Variants in CAMK1D observed in about 807,000 individuals in gnomAD.
CAMK1D encodes the protein calcium/calmodulin-dependent protein kinase type 1D.
CAMK1D carries 9 observed loss-of-function variants against 47.7 expected under a neutral mutation model. The ratio of observed to expected loss-of-function variants is 0.19; its 90% CI spans 0.11 to 0.33. The LOEUF (loss-of-function observed/expected upper bound fraction) is 0.33, where lower values mean the gene tolerates loss of function less well. Ranked by LOEUF, CAMK1D falls within the 10% of genes least tolerant of loss-of-function variation. The probability of loss-of-function intolerance (pLI) is 1.00; values close to 1 mark genes in which losing one functional copy is unlikely to be tolerated. For synonymous variants in CAMK1D, 184 were observed against 184.9 expected (o/e 0.99, Z 0.04); for missense variants, 291 against 488.7 (o/e 0.60, Z 3.81).
intron 3 of CAMK1D, among the ~76,000 whole-genome samples, chr10:12,741,191 C>T (rs1227020136): frequency 1.3e-5 from 2 of 152,210 alleles, no homozygotes; most frequent in African/African-American, 2.4e-5. Flanking sequence ...TAAATTCAAA[C>T]GGGGGTACAG....
intron 2 of CAMK1D, among the ~76,000 whole-genome samples, chr10:12,568,221 GCCCCT>G (rs1360994598): frequency 1.3e-5 from 1 of 75,556 alleles, no homozygotes; most frequent in Non-Finnish European, 2.5e-5. Flanking sequence ...TTCCCTTCCT[GCCCCT>G]CCCTTCCCTT....
At chr10:12,713,310 CT>C (rs1366124696) in intron 3 of CAMK1D, among the ~76,000 whole-genome samples, 21 of 152,136 alleles carry the variant, frequency 1.4e-4, no homozygotes, top group Non-Finnish European at 2.6e-4. Context: ...TGATAGGCAA[CT>C]TGTGGACGAT....
chr10:12,642,329 G>T (rs570729686), intron 2 of CAMK1D, among the ~76,000 whole-genome samples: 1 of 152,348 alleles, frequency 6.6e-6, no homozygotes, highest in African/African-American at 2.4e-5. Flanking sequence ...TAAGTGTTCA[G>T]TGGATGATTC....
intron 2 of CAMK1D, among the ~76,000 whole-genome samples, chr10:12,575,454 C>T (rs1225677410): frequency 6.6e-6 from 1 of 152,112 alleles, no homozygotes; most frequent in Non-Finnish European, 1.5e-5. Flanking sequence ...CTTTGCTTTC[C>T]AAATGTCCAT....
intron 1 of CAMK1D, among the ~76,000 whole-genome samples, chr10:12,462,693 ATT>A (rs1407575900): frequency 2.0e-5 from 3 of 151,872 alleles, no homozygotes; most frequent in Non-Finnish European, 4.4e-5. Flanking sequence ...TGGAGCTCTC[ATT>A]CTCTTTTTTC....
intron 2 of CAMK1D, among the ~76,000 whole-genome samples, chr10:12,662,617 A>G (rs2132540494): frequency 6.6e-6 from 1 of 150,508 alleles, no homozygotes; most frequent in Non-Finnish European, 1.5e-5. Context: ...GCACCACTGC[A>G]CTCCAGCCTC....
At chr10:12,578,884 T>G (rs1564424437) in intron 2 of CAMK1D, 1 of 154,260 alleles carries the variant, frequency 6.5e-6, no homozygotes, top group Non-Finnish European at 1.5e-5. Flanking sequence ...TACACTCGAT[T>G]GACTGTTTTC....
At chr10:12,362,621 C>A (rs945805790) in intron 1 of CAMK1D, among the ~76,000 whole-genome samples, 9 of 152,166 alleles carry the variant, frequency 5.9e-5, no homozygotes, top group Non-Finnish European at 1.0e-4. Flanking sequence ...CCTCAGCCTC[C>A]CGAGTAGCTG....
At chr10:12,380,908 G>C (rs1038804705) in intron 1 of CAMK1D, among the ~76,000 whole-genome samples, 3 of 152,106 alleles carry the variant, frequency 2.0e-5, no homozygotes, top group African/African-American at 4.8e-5. Context: ...TTAATTGAAG[G>C]CTCACACATT....
intron 1 of CAMK1D, among the ~76,000 whole-genome samples, chr10:12,436,927 A>G (rs1030100978): frequency 7.2e-5 from 11 of 152,268 alleles, no homozygotes; most frequent in African/African-American, 2.6e-4. Context: ...CAGCGAAAGG[A>G]CTTCGAGCAA....
chr10:12,769,137 G>A (rs188687457), intron 4 of CAMK1D, among the ~76,000 whole-genome samples: 12 of 152,316 alleles, frequency 7.9e-5, no homozygotes, highest in East Asian at 7.7e-4. Flanking sequence ...CATTTATTCC[G>A]GGATGGCATC....
At chr10:12,769,248 G>C (rs995816351) in intron 4 of CAMK1D, among the ~76,000 whole-genome samples, 1 of 152,188 alleles carries the variant, frequency 6.6e-6, no homozygotes, top group African/African-American at 2.4e-5. Context: ...AGGGCGTGTT[G>C]CTGAGGGCAG....
At chr10:12,547,098 C>T (rs1036460351) in intron 1 of CAMK1D, among the ~76,000 whole-genome samples, 7 of 151,966 alleles carry the variant, frequency 4.6e-5, no homozygotes, top group African/African-American at 1.7e-4. Context: ...ACCTTGGGGG[C>T]CCATTGATGT....
intron 2 of CAMK1D, among the ~76,000 whole-genome samples, chr10:12,651,622 A>C (rs567403707): frequency 6.6e-6 from 1 of 151,946 alleles, no homozygotes; most frequent in East Asian, 1.9e-4. Context: ...GGCTGGTCTC[A>C]AACTCCTGGG....
intron 1 of CAMK1D, among the ~76,000 whole-genome samples, chr10:12,418,871 C>T (rs1341188666): frequency 6.6e-5 from 10 of 152,170 alleles, no homozygotes; most frequent in African/African-American, 2.2e-4. Context: ...CCACCCCTGC[C>T]GAGGGATGTC....
At chr10:12,351,419 A>G (rs1412847498) in intron 1 of CAMK1D, among the ~76,000 whole-genome samples, 1 of 152,168 alleles carries the variant, frequency 6.6e-6, no homozygotes, top group Non-Finnish European at 1.5e-5. Flanking sequence ...TGATTCTGAG[A>G]TGCTCAAGTT....
At chr10:12,646,561 A>G (rs1839815971) in intron 2 of CAMK1D, among the ~76,000 whole-genome samples, 1 of 152,206 alleles carries the variant, frequency 6.6e-6, no homozygotes, top group African/African-American at 2.4e-5. Context: ...AAAATGACCG[A>G]ACTTCCTTGC....
chr10:12,393,080 G>A (rs559023465), intron 1 of CAMK1D, among the ~76,000 whole-genome samples: 208 of 149,834 alleles, frequency 1.4e-3, no homozygotes, highest in African/African-American at 5.0e-3. Flanking sequence ...TGCCCAGGCT[G>A]GAGTGCAGTG....
At chr10:12,557,879 A>G (rs149679731) in intron 2 of CAMK1D, among the ~76,000 whole-genome samples, 49 of 152,302 alleles carry the variant, frequency 3.2e-4, no homozygotes, top group African/African-American at 1.1e-3. Flanking sequence ...TGAGAAATTT[A>G]TTTATTTCAC....
Sources: allele counts gnomAD v4.1 joint callset (sites outside exome capture counted in the v4.1 genomes callset), GRCh38; gene constraint gnomAD v4.1.1; transcripts MANE v1.5; gene names NCBI Gene and HGNC (gene_info 2026-07-23, HGNC 2026-07-21).